The following LRP2 variants were observed in gnomAD, a reference collection of about 807,000 sequenced individuals.
The protein encoded by LRP2 is low-density lipoprotein receptor-related protein 2.
LRP2 carries 172 observed loss-of-function variants against 531.0 expected under a neutral mutation model. That is an observed-to-expected ratio of 0.32 (90% confidence interval 0.29 to 0.37). The LOEUF is 0.37. Among genes scored for constraint, LRP2 ranks in the 10% least tolerant of loss-of-function variants. The pLI is 1.00. For synonymous variants in LRP2, 1,992 were observed against 2,027.6 expected (o/e 0.98, Z 0.47); for missense variants, 5,167 against 5,868.3 (o/e 0.88, Z 3.90).
At chr2:169,229,040 G>A (rs1689304989) in intron 31 of LRP2, among the ~76,000 whole-genome samples, 1 of 152,260 alleles carries the variant, frequency 6.6e-6, no homozygotes, top group Admixed American at 6.5e-5. Flanking sequence ...AGTGCCACAG[G>A]CAATAAGCAT....
At chr2:169,331,828 C>T (rs976686948) in intron 1 of LRP2, among the ~76,000 whole-genome samples, 1 of 152,288 alleles carries the variant, frequency 6.6e-6, no homozygotes, top group South Asian at 2.1e-4. Context: ...CCAGAGAATT[C>T]CTATACGGCT....
At chr2:169,133,356 T>G (rs1389741880) in intron 76 of LRP2, among the ~76,000 whole-genome samples, 3 of 152,256 alleles carry the variant, frequency 2.0e-5, no homozygotes, top group Non-Finnish European at 4.4e-5. Context: ...TACTTGTTTA[T>G]TCTGAAACTT....
chr2:169,322,698 T>C (rs1345523653), intron 1 of LRP2, among the ~76,000 whole-genome samples: 3 of 152,240 alleles, frequency 2.0e-5, no homozygotes, highest in Non-Finnish European at 4.4e-5. Context: ...TTGTTAGTAA[T>C]CCAACATAAT....
At chr2:169,173,670 T>C (rs778961591) in intron 56 of LRP2, among the ~76,000 whole-genome samples, 1 of 152,218 alleles carries the variant, frequency 6.6e-6, no homozygotes, top group Non-Finnish European at 1.5e-5. Flanking sequence ...GTTCTTGGTA[T>C]CATATTCTGG....
At chr2:169,311,458 C>T (rs890222548) in intron 3 of LRP2, among the ~76,000 whole-genome samples, 3 of 152,150 alleles carry the variant, frequency 2.0e-5, no homozygotes, top group African/African-American at 7.2e-5. Context: ...TCTTTATGTA[C>T]CCAGTAGTCA....
chr2:169,285,254 C>A (rs1486695748), intron 9 of LRP2, among the ~76,000 whole-genome samples: 7 of 151,642 alleles, frequency 4.6e-5, no homozygotes, highest in Non-Finnish European at 8.8e-5. Context: ...CGTGATAATG[C>A]CACTGCACTC....
intron 48 of LRP2, among the ~76,000 whole-genome samples, chr2:169,188,830 T>A (rs1435523485): frequency 6.6e-6 from 1 of 152,158 alleles, no homozygotes; most frequent in African/African-American, 2.4e-5. Flanking sequence ...TAAGAACACA[T>A]ATCTTCCCAC....
At chr2:169,168,394 C>T (rs1686867184) in intron 61 of LRP2, 145 bp downstream of exon 61, 1 of 952,942 alleles carries the variant, frequency 1.0e-6, no homozygotes, top group Non-Finnish European at 1.7e-6. Context: ...AGCTGGAAGA[C>T]CCAGTGAAAT....
chr2:169,353,904 T>C (rs1014614657), intron 1 of LRP2, among the ~76,000 whole-genome samples: 6 of 152,136 alleles, frequency 3.9e-5, no homozygotes, highest in African/African-American at 1.2e-4. Flanking sequence ...GCGGAGAGGA[T>C]CTCTTCAGCC....
intron 19 of LRP2, among the ~76,000 whole-genome samples, chr2:169,255,124 A>T (rs1240332583): frequency 6.6e-6 from 1 of 152,154 alleles, no homozygotes; most frequent in Non-Finnish European, 1.5e-5. Context: ...TATTCAAAGT[A>T]GGAGGTTTCA....
intron 2 of LRP2, among the ~76,000 whole-genome samples, chr2:169,319,364 G>A (rs1361615796): frequency 2.0e-5 from 3 of 152,128 alleles, no homozygotes; most frequent in Non-Finnish European, 4.4e-5. Flanking sequence ...GAACCTCAAT[G>A]TATGCATCAT....
intron 33 of LRP2, among the ~76,000 whole-genome samples, chr2:169,224,446 T>C (rs905617244): frequency 6.6e-6 from 1 of 152,148 alleles, no homozygotes; most frequent in Non-Finnish European, 1.5e-5. Flanking sequence ...GGAATTAGAG[T>C]AAAAAGAACA....
At chr2:169,286,572 G>C (rs1037733982) in intron 9 of LRP2, among the ~76,000 whole-genome samples, 3 of 152,124 alleles carry the variant, frequency 2.0e-5, no homozygotes, top group African/African-American at 7.2e-5. Context: ...AAATTGAAGT[G>C]GCCTGAATCT....
rs1450454675 is a variant in LRP2, at chr2:169,178,011, C to T, written c.10185G>A (p.Glu3395=). 1 of 1,613,398 alleles carries T rather than the reference C, an allele frequency of 6.2e-7. No homozygotes were observed. Among genetic ancestry groups the T allele is most frequent in the African/African-American group, 1.3e-5 (1 of 74,906 alleles). Residue 3395 remains glutamate (E), a synonymous_variant, in exon 53 of 79, where the codon GAG becomes GAA. Transcript: ENST00000649046. ...CATACACCGTGTGTCGATGGTGGCC[C>T]TCCAAATCAGAGTACCTGCAGCAGT... ...HLGYIEYSDL[E]GHHRHTVYDG...
rs1489153908 is a variant in LRP2, at chr2:169,290,934, C to T, written c.833G>A (p.Arg278Gln). Residue 278 changes from arginine (R) to glutamine (Q), a missense_variant, in exon 8 of 79, where the codon CGA (arginine) becomes CAA (glutamine). Around this residue, in one of 6 missense-constraint regions of LRP2, gnomAD observed 2,811 missense variants for 3,058.0 expected, o/e 0.92. Transcript: ENST00000649046. ...ACAAACTTTATAAATGGAGATGCAT[C>T]GTCCCGACTCTGGGCAAGACCATTC... ...PREWSCPESG[R>Q]CISIYKVCDG... The T allele has an allele frequency of 5.6e-6, 9 of 1,613,944 alleles. No individual in the cohort carries two copies. The highest frequency in any genetic ancestry group is 1.3e-5 in the African/African-American group (1 of 74,890).
intron 70 of LRP2, among the ~76,000 whole-genome samples, chr2:169,143,218 A>G (rs943294015): frequency 2.6e-5 from 4 of 152,226 alleles, no homozygotes; most frequent in Non-Finnish European, 5.9e-5. Flanking sequence ...TGGTCTATCC[A>G]AAGTATACTG....
chr2:169,146,156 C>T (rs1326520583), intron 69 of LRP2, among the ~76,000 whole-genome samples: 1 of 152,206 alleles, frequency 6.6e-6, no homozygotes, highest in East Asian at 1.9e-4. Flanking sequence ...TACCACCCGA[C>T]ACCAATCACA....
intron 4 of LRP2, among the ~76,000 whole-genome samples, chr2:169,301,792 G>T (rs1037887284): frequency 2.0e-5 from 3 of 151,996 alleles, no homozygotes; most frequent in Non-Finnish European, 4.4e-5. Flanking sequence ...TGCCCGGAAT[G>T]GACACAAGGT....
chr2:169,172,256 G>T, intron 57 of LRP2, 122 bp from the exon 58 acceptor site: 1 of 1,137,744 alleles, frequency 8.8e-7, no homozygotes, highest in Non-Finnish European at 1.3e-6. Context: ...CTCCCAAAGA[G>T]AGGAATGCCA....
Sources: gnomAD v4.1 joint callset for allele counts (sites outside exome capture counted in the v4.1 genomes callset) on GRCh38, gnomAD v4.1.1 for gene constraint, gnomAD v4.1.1 regional missense constraint, MANE v1.5 for transcripts, NCBI Gene and HGNC (gene_info 2026-07-23, HGNC 2026-07-21) for gene names.